TMEM117: variants seen among roughly 807,000 people sequenced by gnomAD.
The protein encoded by TMEM117 is transmembrane protein 117.
A neutral mutation model predicts 52.4 loss-of-function variants in TMEM117; 27 were observed. The observed-to-expected ratio is 0.51, with a 90% CI of 0.38 to 0.71. TMEM117 has a LOEUF of 0.71. Among genes scored for constraint, TMEM117 ranks in the 30% least tolerant of loss-of-function variants. The pLI, the probability that TMEM117 is intolerant of heterozygous loss-of-function variation, is 0.00. For synonymous variants in TMEM117, 215 were observed against 206.3 expected, an observed-to-expected ratio of 1.04 and a Z score of -0.36; for missense variants, 556 against 630.5, an observed-to-expected ratio of 0.88 and a Z score of 1.26.
At chr12:44,390,709 T>TAGTC (rs142917828), downstream of TMEM117, among the ~76,000 whole-genome samples, 5,162 of 152,216 alleles carry the variant, frequency 0.034, 100 homozygotes, top group Middle Eastern at 0.13. Context: ...GACATTTTAA[T>TAGTC]AGTCAAACAA....
chr12:44,108,356 TC>T (rs1163211435), intron 3 of TMEM117, among the ~76,000 whole-genome samples: 1 of 103,136 alleles, frequency 9.7e-6, no homozygotes. Context: ...CCCTCCCCCC[TC>T]CCCCGACCCC....
intron 2 of TMEM117, among the ~76,000 whole-genome samples, chr12:43,903,878 C>T (rs1029098319): frequency 6.6e-6 from 1 of 152,016 alleles, no homozygotes; most frequent in African/African-American, 2.4e-5. Context: ...AAGTGTTTAA[C>T]CCTGCCTCAA....
chr12:44,331,177 CT>C lies in TMEM117; in HGVS notation c.768+31445del, dbSNP rs574721995. 8.0e-5 allele frequency among the ~76,000 whole-genome samples: 12 copies of C among 149,658 alleles called. 1 individual carries two copies. In the South Asian group the frequency reaches 2.3e-3, roughly 29 times the overall value. ...ACTCTAGTATTTCTTCTAGTGGGAC[CT>C]TTTTTTAAAAAAAAAAAAATCTTTT... On this transcript the variant is annotated intron_variant, in intron 6 of 7. Transcript: ENST00000266534.
At chr12:44,302,166 G>T (rs143600680) in intron 6 of TMEM117, among the ~76,000 whole-genome samples, 1 of 151,780 alleles carries the variant, frequency 6.6e-6, no homozygotes, top group Non-Finnish European at 1.5e-5. Context: ...ACACATCCAC[G>T]TACCATATGC....
intron 4 of TMEM117, 41 bp downstream of exon 4, chr12:44,143,665 G>C: frequency 6.9e-7 from 1 of 1,445,906 alleles, no homozygotes; most frequent in Non-Finnish European, 9.7e-7. Flanking sequence ...ACATCAAACG[G>C]AAGACATGTT....
At chr12:43,818,450 A>AT in the TMEM117 span, among the ~76,000 whole-genome samples, 3,418 of 100,102 alleles carry the variant, frequency 0.034, 66 homozygotes, top group East Asian at 0.1. Flanking sequence ...TTTTGTTTTT[A>AT]TTTTTTTTGA....
intron 5 of TMEM117, among the ~76,000 whole-genome samples, chr12:44,250,795 A>C (rs1950188061): frequency 6.6e-6 from 1 of 152,154 alleles, no homozygotes; most frequent in South Asian, 2.1e-4. Flanking sequence ...CAATGAGAAC[A>C]CATGGACACA....
At chr12:43,830,010 C>G in the TMEM117 span, among the ~76,000 whole-genome samples, 1 of 151,220 alleles carries the variant, frequency 6.6e-6, no homozygotes, top group African/African-American at 2.4e-5. Context: ...TGTGCTTGAA[C>G]CCGGGAGGCG....
At chr12:44,333,063 G>A (rs1233904932) in intron 6 of TMEM117, among the ~76,000 whole-genome samples, 1 of 152,082 alleles carries the variant, frequency 6.6e-6, no homozygotes, top group South Asian at 2.1e-4. Context: ...TTACTGAAGA[G>A]TGTTCCTTAA....
chr12:44,205,806 C>T (rs1949557382), intron 4 of TMEM117, among the ~76,000 whole-genome samples: 1 of 152,176 alleles, frequency 6.6e-6, no homozygotes, highest in Non-Finnish European at 1.5e-5. Flanking sequence ...CTATATGCTG[C>T]TGGTGGGAAT....
intron 5 of TMEM117, among the ~76,000 whole-genome samples, chr12:44,218,485 C>T: frequency 6.6e-6 from 1 of 152,128 alleles, no homozygotes; most frequent in Non-Finnish European, 1.5e-5. Flanking sequence ...AATGTACCCT[C>T]AACACGATAA....
intron 4 of TMEM117, among the ~76,000 whole-genome samples, chr12:44,190,664 A>T (rs1243153084): frequency 1.3e-5 from 2 of 152,066 alleles, no homozygotes; most frequent in East Asian, 3.9e-4. Context: ...CCAAAAAAGA[A>T]AAAAATAAGG....
intron 4 of TMEM117, among the ~76,000 whole-genome samples, chr12:44,152,679 T>C (rs1200264600): frequency 1.5e-5 from 2 of 133,734 alleles, no homozygotes; most frequent in Non-Finnish European, 3.1e-5. Context: ...AATTTTTATA[T>C]ATATAATATT....
chr12:43,947,977 C>T (rs1256892390), intron 3 of TMEM117, among the ~76,000 whole-genome samples: 1 of 152,116 alleles, frequency 6.6e-6, no homozygotes, highest in East Asian at 1.9e-4. Flanking sequence ...CTCATGATCT[C>T]TTACTATAGA....
At chr12:44,265,303 G>T (rs1263682408) in intron 5 of TMEM117, among the ~76,000 whole-genome samples, 2 of 152,146 alleles carry the variant, frequency 1.3e-5, no homozygotes, top group African/African-American at 4.8e-5. Flanking sequence ...GGAACAAGGT[G>T]TAGATCATGT....
intron 5 of TMEM117, among the ~76,000 whole-genome samples, chr12:44,251,596 A>AT: frequency 6.6e-6 from 1 of 152,332 alleles, no homozygotes; most frequent in East Asian, 1.9e-4. Flanking sequence ...TGTAAGATGG[A>AT]TTTAAAAAAA....
At chr12:44,098,404 C>G (rs1211903797) in intron 3 of TMEM117, among the ~76,000 whole-genome samples, 1 of 149,926 alleles carries the variant, frequency 6.7e-6, no homozygotes, top group Admixed American at 6.6e-5. Context: ...AGACTTAAGT[C>G]ATCTCACAAA....
In TMEM117 at chr12:44,213,355, G is replaced by A. The variant is rs184875585; in HGVS notation, c.608+1968G>A. Among the ~76,000 whole-genome samples the A allele has an allele frequency of 3.9e-5, 6 of 152,256 alleles. No individual in the cohort carries two copies. The East Asian group carries it at 9.6e-4, about 24-fold the overall frequency. ...ATGATTAATGTTCATTCTTGTTTAGGTAGGGTGCTAAAGAAGAACATACAG... is the reference window on the plus strand; with the variant it reads ...ATGATTAATGTTCATTCTTGTTTAGATAGGGTGCTAAAGAAGAACATACAG... On this transcript the variant is annotated intron_variant, in intron 5 of 7. Coordinates refer to ENST00000266534, the MANE Select transcript of TMEM117 (RefSeq NM_032256.3).
At chr12:44,245,049 G>A (rs1391642106) in intron 5 of TMEM117, among the ~76,000 whole-genome samples, 1 of 151,964 alleles carries the variant, frequency 6.6e-6, no homozygotes, top group Non-Finnish European at 1.5e-5. Context: ...ATTGGTTGGT[G>A]TGTCTATTTT....
Sources: allele counts gnomAD v4.1 joint callset (sites outside exome capture counted in the v4.1 genomes callset), GRCh38; gene constraint gnomAD v4.1.1; transcripts MANE v1.5; gene names NCBI Gene and HGNC (gene_info 2026-07-23, HGNC 2026-07-21).